Variants in EPHA6 observed in about 807,000 individuals in gnomAD.
EPHA6 encodes EPH receptor A6.
Under a neutral mutation model 112.0 loss-of-function variants are expected in EPHA6, and 50 were observed. The observed-to-expected ratio is 0.45, with a 90% CI of 0.36 to 0.56. EPHA6 has a LOEUF of 0.56. Among genes scored for constraint, EPHA6 ranks in the 20% least tolerant of loss-of-function variants. EPHA6 has a pLI of 0.00. For synonymous variants in EPHA6, 529 were observed against 490.7 expected, an observed-to-expected ratio of 1.08 and a Z score of -1.03; for missense variants, 1,280 against 1,417.4, an observed-to-expected ratio of 0.90 and a Z score of 1.56.
intron 3 of EPHA6, among the ~76,000 whole-genome samples, chr3:97,153,631 AT>A (rs997674077): frequency 1.3e-5 from 2 of 151,434 alleles, no homozygotes; most frequent in Non-Finnish European, 1.5e-5. Flanking sequence ...GTTACCTAAC[AT>A]TTTTTTTTCC....
intron 3 of EPHA6, among the ~76,000 whole-genome samples, chr3:97,180,626 A>G (rs991232579): frequency 6.6e-6 from 1 of 152,078 alleles, no homozygotes; most frequent in African/African-American, 2.4e-5. Flanking sequence ...CCTCTGACCT[A>G]GAGTGTGTCT....
At chr3:97,178,752 T>C (rs868811161) in intron 3 of EPHA6, among the ~76,000 whole-genome samples, 3 of 152,268 alleles carry the variant, frequency 2.0e-5, no homozygotes, top group Middle Eastern at 3.4e-3. Context: ...TCGTTTCTTT[T>C]CTCTTGCTGC....
In EPHA6 at chr3:96,918,644, GTTTTAATGTTA is replaced by G. The variant is rs1442694032; in HGVS notation, c.450+51761_450+51771del. ...TTTTATTTAAGGTAATTTATAGTTG[GTTTTAATGTTA>G]TTTTATGGGAAAAATATGTATTTCA... On this transcript the variant is annotated intron_variant, in intron 2 of 17. Coordinates refer to ENST00000389672, the MANE Select transcript of EPHA6 (RefSeq NM_001080448.3). Among the ~76,000 whole-genome samples the G allele has an allele frequency of 2.6e-5, 4 of 152,000 alleles. No homozygotes were observed. In the East Asian group the frequency reaches 5.8e-4, roughly 22 times the overall value.
At chr3:97,132,672 T>C (rs1370874752) in intron 3 of EPHA6, among the ~76,000 whole-genome samples, 2 of 152,092 alleles carry the variant, frequency 1.3e-5, no homozygotes, top group Non-Finnish European at 1.5e-5. Flanking sequence ...TTTACAATCC[T>C]AAAATATTAA....
At chr3:97,094,029 G>A (rs534321878) in intron 3 of EPHA6, among the ~76,000 whole-genome samples, 1 of 152,218 alleles carries the variant, frequency 6.6e-6, no homozygotes, top group South Asian at 2.1e-4. Context: ...ATGGCCAGAT[G>A]ATCCTCCATG....
At chr3:97,647,232 G>A (rs1265728594) in intron 14 of EPHA6, among the ~76,000 whole-genome samples, 1 of 152,038 alleles carries the variant, frequency 6.6e-6, no homozygotes, top group Non-Finnish European at 1.5e-5. Flanking sequence ...CAAAAACAAA[G>A]GGATTATTGA....
chr3:97,110,110 T>C lies in EPHA6; in HGVS notation c.1115-116154T>C, dbSNP rs192489094. 7.6e-4 allele frequency among the ~76,000 whole-genome samples: 115 copies of C among 152,184 alleles called. 1 individual carries two copies. The highest frequency in any genetic ancestry group is 2.6e-3 in the African/African-American group (106 of 41,538). ...TTCAAAAAAATCTTCAGCTATATGGTTTAGATACTTTGCATATTCATTGCA... is the reference window on the plus strand; with the variant it reads ...TTCAAAAAAATCTTCAGCTATATGGCTTAGATACTTTGCATATTCATTGCA... On this transcript the variant is annotated intron_variant, in intron 3 of 17. Transcript: ENST00000389672.
chr3:97,219,797 G>A (rs1909831), intron 3 of EPHA6, among the ~76,000 whole-genome samples: 1 of 152,156 alleles, frequency 6.6e-6, no homozygotes, highest in Non-Finnish European at 1.5e-5. Context: ...TTTCTCCCCA[G>A]AAAATGGGTT....
chr3:97,548,842 A>G (rs1444491973), intron 11 of EPHA6, among the ~76,000 whole-genome samples: 1 of 152,244 alleles, frequency 6.6e-6, no homozygotes, highest in East Asian at 1.9e-4. Context: ...TTATGTAAAC[A>G]TATACAATCA....
chr3:97,019,434 C>T (rs886940670), intron 3 of EPHA6, among the ~76,000 whole-genome samples: 4 of 152,024 alleles, frequency 2.6e-5, no homozygotes, highest in Non-Finnish European at 5.9e-5. Context: ...CCATCACTCT[C>T]CTCTCTAGTA....
intron 2 of EPHA6, among the ~76,000 whole-genome samples, chr3:96,984,399 A>G (rs1174292861): frequency 2.6e-5 from 4 of 152,040 alleles, no homozygotes; most frequent in African/African-American, 9.7e-5. Context: ...TTGCTGCCTG[A>G]TTGTTCCTCT....
chr3:97,507,582 T>A (rs1283637204), intron 10 of EPHA6, among the ~76,000 whole-genome samples: 1 of 152,154 alleles, frequency 6.6e-6, no homozygotes, highest in African/African-American at 2.4e-5. Flanking sequence ...TTATTGAGGA[T>A]TTTTGCATTG....
In EPHA6 at chr3:96,953,710, A is replaced by G. The variant is rs1219139297; in HGVS notation, c.451-33620A>G. Among the ~76,000 whole-genome samples, 3 of 150,144 alleles carry G rather than the reference A, an allele frequency of 2.0e-5. No individual in the cohort carries two copies. In the East Asian group the frequency reaches 6.1e-4, roughly 30 times the overall value. On this transcript the variant is annotated intron_variant, in intron 2 of 17. Coordinates refer to ENST00000389672, the MANE Select transcript of EPHA6 (RefSeq NM_001080448.3). ...TCTCACCTGAGAGACAACCATCTAT[A>G]TCACCATATGCTGATCTATCCATGT...
At chr3:96,959,209 C>T (rs1014949632) in intron 2 of EPHA6, among the ~76,000 whole-genome samples, 10 of 152,212 alleles carry the variant, frequency 6.6e-5, no homozygotes, top group Non-Finnish European at 1.2e-4. Context: ...TCCTAGTAAG[C>T]GTGGAGTGGT....
intron 3 of EPHA6, among the ~76,000 whole-genome samples, chr3:97,126,030 G>A (rs1014931474): frequency 6.6e-6 from 1 of 152,212 alleles, no homozygotes; most frequent in Non-Finnish European, 1.5e-5. Context: ...CAAATGGCAA[G>A]GAGGCGAGTA....
chr3:97,090,746 T>G (rs1376577472), intron 3 of EPHA6, among the ~76,000 whole-genome samples: 1 of 152,018 alleles, frequency 6.6e-6, no homozygotes, highest in African/African-American at 2.4e-5. Context: ...AACCTGAAAT[T>G]GGGATTTATA....
At chr3:97,407,186 T>C (rs2087406462) in intron 6 of EPHA6, among the ~76,000 whole-genome samples, 1 of 152,102 alleles carries the variant, frequency 6.6e-6, no homozygotes, top group Admixed American at 6.6e-5. Flanking sequence ...TTAATATGAT[T>C]CTAAAAGGAC....
chr3:97,681,740 T>G (rs1277243808), intron 14 of EPHA6, among the ~76,000 whole-genome samples: 1 of 152,064 alleles, frequency 6.6e-6, no homozygotes, highest in Non-Finnish European at 1.5e-5. Flanking sequence ...AATAAAATAC[T>G]TCATTATAAA....
At chr3:97,526,686 A>G (rs1458327187) in intron 10 of EPHA6, among the ~76,000 whole-genome samples, 1 of 152,262 alleles carries the variant, frequency 6.6e-6, no homozygotes. Flanking sequence ...GTGCCTAGAA[A>G]GGTCCCTTCA....
Sources: allele counts gnomAD v4.1 joint callset (sites outside exome capture counted in the v4.1 genomes callset), GRCh38; gene constraint gnomAD v4.1.1; transcripts MANE v1.5; gene names NCBI Gene and HGNC (gene_info 2026-07-23, HGNC 2026-07-21).